PRKG2: variants seen among roughly 807,000 people sequenced by gnomAD.
The protein encoded by PRKG2 is cGMP-dependent protein kinase 2.
In PRKG2, 33 loss-of-function variants were observed where a neutral mutation model predicts 97.2. The ratio of observed to expected loss-of-function variants is 0.34; its 90% CI spans 0.26 to 0.45. PRKG2 has a LOEUF of 0.45. Ranked by LOEUF, PRKG2 falls within the 20% of genes least tolerant of loss-of-function variation. The pLI is 1.00. For synonymous variants in PRKG2, 330 were observed against 321.8 expected (o/e 1.03, Z -0.27); for missense variants, 638 against 900.0 (o/e 0.71, Z 3.73).
intron 2 of PRKG2, among the ~76,000 whole-genome samples, chr4:81,202,067 G>A (rs1002058588): frequency 1.1e-4 from 17 of 152,174 alleles, no homozygotes; most frequent in Non-Finnish European, 2.5e-4. Flanking sequence ...AGCAGGAACT[G>A]CTTGGAAAAG....
At chr4:81,107,211 A>G (rs1466424120) in intron 15 of PRKG2, among the ~76,000 whole-genome samples, 1 of 152,178 alleles carries the variant, frequency 6.6e-6, no homozygotes, top group Admixed American at 6.6e-5. Context: ...TGTTTTAAAC[A>G]TCCAAATGGA....
At position 81,145,400 on chromosome 4, in the gene PRKG2, A is replaced by C. The variant is rs562797635; in HGVS notation, c.1155-1070T>G. On this transcript the variant is annotated intron_variant, in intron 9 of 18. Coordinates refer to ENST00000264399, the MANE Select transcript of PRKG2 (RefSeq NM_006259.3). Reference sequence around the variant, plus strand: ...CTATATATATTTTAAATCAAGAATAAAATTTATCTCTTGTCTCAAGATAAC... The same window carrying C: ...CTATATATATTTTAAATCAAGAATACAATTTATCTCTTGTCTCAAGATAAC... 7.9e-5 allele frequency among the ~76,000 whole-genome samples: 12 copies of C among 152,300 alleles called. 1 individual carries two copies. The highest frequency in any genetic ancestry group is 2.9e-4 in the African/African-American group (12 of 41,562).
intron 2 of PRKG2, chr4:81,176,176 G>C (rs1272672887): frequency 6.6e-6 from 1 of 152,022 alleles, no homozygotes; most frequent in Non-Finnish European, 1.5e-5. Flanking sequence ...CAAATTATTT[G>C]AGTGCCTTGA....
chr4:81,185,229 A>C (rs752374863), intron 2 of PRKG2, among the ~76,000 whole-genome samples: 8 of 152,192 alleles, frequency 5.3e-5, no homozygotes, highest in Non-Finnish European at 1.0e-4. Context: ...GCCAGAGAGA[A>C]AGGTCGGGTT....
chr4:81,153,019 A>C lies in PRKG2; in HGVS notation c.990+625T>G, dbSNP rs577091227. 2.0e-5 allele frequency among the ~76,000 whole-genome samples: 3 copies of C among 152,316 alleles called. No individual in the cohort carries two copies. The South Asian group carries it at 6.2e-4, about 32-fold the overall frequency. On this transcript the variant is annotated intron_variant, in intron 7 of 18. Coordinates refer to ENST00000264399, the MANE Select transcript of PRKG2 (RefSeq NM_006259.3). ...GCTCAAGAATTGGCCCTTCCCTTCA[A>C]TATTTCACAAATGCTTTTCATCTCT...
chr4:81,104,811 A>G (rs1304956465), intron 16 of PRKG2, among the ~76,000 whole-genome samples: 1 of 152,124 alleles, frequency 6.6e-6, no homozygotes, highest in African/African-American at 2.4e-5. Flanking sequence ...GGCAACCCAT[A>G]GCTACGTTTT....
intron 6 of PRKG2, among the ~76,000 whole-genome samples, chr4:81,161,076 C>T (rs1749557979): frequency 6.6e-6 from 1 of 152,076 alleles, no homozygotes; most frequent in Non-Finnish European, 1.5e-5. Context: ...ACTTTTTTAT[C>T]TGTTGTTTTT....
At chr4:81,163,563 C>T (rs1375474315) in intron 6 of PRKG2, among the ~76,000 whole-genome samples, 1 of 151,956 alleles carries the variant, frequency 6.6e-6, no homozygotes, top group Non-Finnish European at 1.5e-5. Context: ...TTAAATGTTC[C>T]TCTAAATTGG....
Position 81,137,610 on chromosome 4 carries a change from T to C in PRKG2, c.1545-128A>G. 7.3e-6 allele frequency: 5 copies of C among 685,218 alleles called. No homozygotes were observed. The Middle Eastern group carries it at 1.4e-3, about 192-fold the overall frequency. 42.4% of individuals were successfully genotyped at this position (685,218 alleles called of 1,614,324 possible). ...CATCTCCATATAAATACCCCACAAC[T>C]ACACTGGGCTTCTCGCCAAATCCTC... On this transcript the variant is annotated intron_variant, in intron 12 of 18. Transcript: ENST00000264399.
intron 17 of PRKG2, among the ~76,000 whole-genome samples, chr4:81,099,182 T>A (rs1366425831): frequency 6.6e-6 from 1 of 152,150 alleles, no homozygotes; most frequent in Admixed American, 6.6e-5. Flanking sequence ...CTGAGAAAGA[T>A]TATTTAATAT....
intron 1 of PRKG2, among the ~76,000 whole-genome samples, chr4:81,211,895 C>T (rs952404645): frequency 5.3e-5 from 8 of 152,100 alleles, no homozygotes; most frequent in South Asian, 2.1e-4. Flanking sequence ...AGCTGGAAAT[C>T]AGAGGAGTGA....
At position 81,207,142 on chromosome 4, in the gene PRKG2, G is replaced by T. The variant is rs115464259; in HGVS notation, c.-13-2082C>A. 5.2e-3 allele frequency among the ~76,000 whole-genome samples: 790 copies of T among 152,254 alleles called. 8 individuals are homozygous for T. The highest frequency in any genetic ancestry group is 0.018 in the African/African-American group (765 of 41,558). ...ACTTGTACCTTGAATAAGCAATTCA[G>T]AATATGTTATATTGAAATCTGAGAA... On this transcript the variant is annotated intron_variant, in intron 1 of 18. Coordinates refer to ENST00000264399, the MANE Select transcript of PRKG2 (RefSeq NM_006259.3).
chr4:81,133,333 T>C (rs1746357927), intron 14 of PRKG2, among the ~76,000 whole-genome samples: 1 of 152,164 alleles, frequency 6.6e-6, no homozygotes. Flanking sequence ...CAGTTTAATG[T>C]ATGTGATTCC....
At chr4:81,133,091 G>A (rs1746337554) in intron 14 of PRKG2, among the ~76,000 whole-genome samples, 1 of 151,886 alleles carries the variant, frequency 6.6e-6, no homozygotes, top group Admixed American at 6.6e-5. Context: ...TTGATTCTTG[G>A]GAACTTGGGC....
chr4:81,092,702 G>A (rs1346776989), intron 17 of PRKG2, among the ~76,000 whole-genome samples: 1 of 152,126 alleles, frequency 6.6e-6, no homozygotes, highest in East Asian at 1.9e-4. Flanking sequence ...ACTATTAGAT[G>A]TCTAATAGGC....
At chr4:81,098,391 G>A (rs1461895584) in intron 17 of PRKG2, among the ~76,000 whole-genome samples, 2 of 152,052 alleles carry the variant, frequency 1.3e-5, no homozygotes, top group African/African-American at 4.8e-5. Context: ...AATAATACAT[G>A]TGTGTTCACT....
intron 6 of PRKG2, among the ~76,000 whole-genome samples, chr4:81,161,279 C>G (rs1037333367): frequency 2.0e-5 from 3 of 152,086 alleles, no homozygotes; most frequent in African/African-American, 7.2e-5. Context: ...GGTCTATATT[C>G]AAATCCCAGT....
At chr4:81,094,404 G>GA (rs11433687) in intron 17 of PRKG2, among the ~76,000 whole-genome samples, 35,633 of 152,002 alleles carry the variant, frequency 0.23, 7,554 homozygotes, top group African/African-American at 0.55. Context: ...CCAAACTTTA[G>GA]AAGAAATTTG....
chr4:81,116,781 T>C (rs188182959), intron 14 of PRKG2, among the ~76,000 whole-genome samples: 180 of 151,710 alleles, frequency 1.2e-3, no homozygotes, highest in African/African-American at 4.2e-3. Context: ...ATGTTGAGCA[T>C]TTTTTTCATA....
Sources: allele counts gnomAD v4.1 joint callset (sites outside exome capture counted in the v4.1 genomes callset), GRCh38; gene constraint gnomAD v4.1.1; transcripts MANE v1.5; gene names NCBI Gene and HGNC (gene_info 2026-07-23, HGNC 2026-07-21).